Variants in PDE6B observed in about 807,000 individuals in gnomAD.
The protein encoded by PDE6B is phosphodiesterase 6B, also known as rod cGMP-specific 3',5'-cyclic phosphodiesterase subunit beta.
In PDE6B, 106 loss-of-function variants were observed where a neutral mutation model predicts 109.0. The observed-to-expected ratio is 0.97, with a 90% CI of 0.83 to 1.14. The LOEUF (loss-of-function observed/expected upper bound fraction) is 1.14. PDE6B is among the 50% of genes most tolerant of loss of function. The probability of loss-of-function intolerance (pLI) is 0.00; values close to 1 mark genes in which losing one functional copy is unlikely to be tolerated. For missense variants in PDE6B, 1,193 were observed against 1,155.6 expected (o/e 1.03, Z -0.47); for synonymous variants, 490 against 471.3 (o/e 1.04, Z -0.51).
intron 3 of PDE6B, chr4:652,416 G>C (rs1361832305): frequency 5.6e-6 from 4 of 712,370 alleles, no homozygotes; most frequent in South Asian, 6.3e-5. Flanking sequence ...AGGAGGCCGG[G>C]GCAGGAAGAG....
intron 10 of PDE6B, among the ~76,000 whole-genome samples, chr4:658,173 A>T (rs1466290984): frequency 1.5e-5 from 1 of 67,018 alleles, no homozygotes; most frequent in African/African-American, 5.7e-5. Flanking sequence ...TCATGGCTGT[A>T]TGGTGGGGGC....
rs747313401 is a variant in PDE6B, at chr4:664,857, C to T, written c.2130-24C>T. The T allele has an allele frequency of 1.7e-5, 28 of 1,605,402 alleles. No individual in the cohort carries two copies. The Admixed American group carries it at 2.2e-4, about 12-fold the overall frequency. On this transcript the variant is annotated intron_variant, in intron 17 of 21. Transcript: ENST00000496514. Reference sequence around the variant, plus strand: ...TGCCCTCAGGAGACGCCCATCAGCACTCGTGCCCGGTTTGTGTCTGCAGGG... The same window carrying T: ...TGCCCTCAGGAGACGCCCATCAGCATTCGTGCCCGGTTTGTGTCTGCAGGG...
chr4:662,217 C>T lies in PDE6B; in HGVS notation c.1698C>T (p.Ala566=). Residue 566 remains alanine, a synonymous_variant, in exon 13 of 22, where the codon GCC becomes GCT. Coordinates refer to ENST00000496514, the MANE Select transcript of PDE6B (RefSeq NM_000283.4). This position sits in a 1 kb window ranked among gnomAD's most constrained non-coding sequence, Gnocchi z 4.3. Reference sequence around the variant, plus strand: ...ACTGGCGCCACGGCTTCAACGTGGCCCAGACGATGTTCACGCTGCTCATGG... The same window carrying T: ...ACTGGCGCCACGGCTTCAACGTGGCTCAGACGATGTTCACGCTGCTCATGG... ...YHNWRHGFNV[A]QTMFTLLMTG... is the part of the protein sequence containing the mutation. The T allele has an allele frequency of 6.4e-7, 1 of 1,567,838 alleles. No individual in the cohort carries two copies. The highest frequency in any genetic ancestry group is 8.7e-7 in the Non-Finnish European group (1 of 1,153,966).
intron 3 of PDE6B, among the ~76,000 whole-genome samples, chr4:638,574 C>T (rs1238203080): frequency 2.0e-5 from 3 of 152,190 alleles, no homozygotes; most frequent in South Asian, 2.1e-4. Context: ...CCTCCTGCCT[C>T]GGCCTCCTAA....
Position 665,059 on chromosome 4 carries a change from C to A in PDE6B, c.2193+115C>A. On this transcript the variant is annotated intron_variant, in intron 18 of 21. Transcript: ENST00000496514. This position sits in a 1 kb window ranked among gnomAD's most constrained non-coding sequence, Gnocchi z 4.0. ...CATTGTTTGCAAGGAGCTCTGAGGG[C>A]CACCTCGGGGCCAGGCCAGGGCGGC... 2.2e-6 allele frequency: 2 copies of A among 927,746 alleles called. No individual in the cohort carries two copies. The highest frequency in any genetic ancestry group is 1.3e-5 in the South Asian group (1 of 75,072). 57.5% of individuals were successfully genotyped at this position (927,746 alleles called of 1,614,324 possible).
intron 3 of PDE6B, among the ~76,000 whole-genome samples, chr4:637,811 G>A (rs931091151): frequency 6.6e-6 from 1 of 152,174 alleles, no homozygotes; most frequent in African/African-American, 2.4e-5. Context: ...CTCCAACCCT[G>A]GTCCACGACA....
At chr4:644,496 A>G (rs1386530903) in intron 3 of PDE6B, among the ~76,000 whole-genome samples, 1 of 151,868 alleles carries the variant, frequency 6.6e-6, no homozygotes, top group Non-Finnish European at 1.5e-5. Flanking sequence ...ATAGATGTCA[A>G]TTATGTCCAT....
intron 17 of PDE6B, 45 bp from the exon 18 acceptor site, chr4:664,836 C>T: frequency 1.3e-6 from 2 of 1,501,206 alleles, no homozygotes; most frequent in East Asian, 2.3e-5. Flanking sequence ...ACCACCTGCC[C>T]TCAGGAGACG....
intron 6 of PDE6B, 31 bp downstream of exon 6, chr4:654,919 C>G (rs762815812): frequency 1.8e-4 from 228 of 1,277,580 alleles, no homozygotes; most frequent in Non-Finnish European, 2.5e-4. Context: ...GAAGCGTCCC[C>G]GGGGGAGGGA....
chr4:638,413 C>A (rs889153900), intron 3 of PDE6B, among the ~76,000 whole-genome samples: 1 of 152,144 alleles, frequency 6.6e-6, no homozygotes, highest in Non-Finnish European at 1.5e-5. Flanking sequence ...ACCTCCGCCT[C>A]CCAGGTTCAA....
intron 3 of PDE6B, chr4:652,714 G>C (rs3864131): frequency 0.024 from 3,706 of 155,510 alleles, 50 homozygotes; most frequent in Middle Eastern, 0.036. Context: ...CTGGGGGTGC[G>C]TGTGCAACCT....
chr4:648,304 G>A lies in PDE6B; in HGVS notation c.712-5548G>A, dbSNP rs566703855. On this transcript the variant is annotated intron_variant, in intron 3 of 21. Transcript: ENST00000496514. This position sits in a 1 kb window ranked among gnomAD's most constrained non-coding sequence, Gnocchi z 4.5. The stretch of plus-strand genomic sequence containing the variant: ...TGCACCAGACATTGCCCAGTCCTAG[G>A]AAAAGCTGTTTCTGGGTCTTGCCCT... 6.6e-5 allele frequency among the ~76,000 whole-genome samples: 10 copies of A among 152,214 alleles called. No individual in the cohort carries two copies. The East Asian group carries it at 1.9e-3, about 29-fold the overall frequency.
Position 660,450 on chromosome 4 carries a change from C to T in PDE6B, c.1468-17C>T, listed in dbSNP as rs1465308566. 2.5e-6 allele frequency: 4 copies of T among 1,613,464 alleles called. No homozygotes were observed. Among genetic ancestry groups the T allele is most frequent in the Non-Finnish European group, 3.4e-6 (4 of 1,179,786 alleles). On this transcript the variant is annotated splice_polypyrimidine_tract_variant and intron_variant, in intron 11 of 21. Transcript: ENST00000496514. ...TGTGGCAGGCCAACCTCCCTCAGCC[C>T]ACAATCCCTCCCACAGAAGGAGGAG...
intron 18 of PDE6B, 43 bp downstream of exon 18, chr4:664,987 A>G (rs1283348874): frequency 6.8e-7 from 1 of 1,478,914 alleles, no homozygotes; most frequent in Non-Finnish European, 9.5e-7. Flanking sequence ...AGTGCCTCTC[A>G]GCACATGGGA....
rs139354353 is a variant in PDE6B, at chr4:648,138, C to T, written c.712-5714C>T. Among the ~76,000 whole-genome samples the T allele has an allele frequency of 1.1e-4, 16 of 152,068 alleles. No homozygotes were observed. The East Asian group carries it at 2.9e-3, about 28-fold the overall frequency. ...ATTTGCCCGTTCTGTTGTCTGGTCA[C>T]CCCAGCCCTAAACCAGGCAACAAGT... On this transcript the variant is annotated intron_variant, in intron 3 of 21. Coordinates refer to ENST00000496514, the MANE Select transcript of PDE6B (RefSeq NM_000283.4). The surrounding 1 kb of genome is among the most constrained non-coding windows in gnomAD (Gnocchi z 4.5).
At chr4:635,991 C>CG in intron 3 of PDE6B, 22 bp downstream of exon 3, 1 of 1,445,152 alleles carries the variant, frequency 6.9e-7, no homozygotes, top group Non-Finnish European at 9.7e-7. Context: ...CTGAGCACAG[C>CG]TCTGCCCACG....
intron 5 of PDE6B, 38 bp downstream of exon 5, chr4:654,192 G>T: frequency 6.4e-7 from 1 of 1,561,056 alleles, no homozygotes; most frequent in Non-Finnish European, 8.8e-7. Context: ...CTGTCCACAC[G>T]CCTCTGTTTC....
In PDE6B at chr4:654,817, T is replaced by C. The variant is rs756096582; in HGVS notation, c.928-7T>C. On this transcript the variant is annotated splice_polypyrimidine_tract_variant and splice_region_variant and intron_variant, in intron 5 of 21. Transcript: ENST00000496514. The stretch of plus-strand genomic sequence containing the variant: ...CAGCCCCCCGACCAGTGTCTTCTGC[T>C]TCTCAGGAAATTGTCTTCTACAAAG... 6.7e-7 allele frequency: 1 copy of C among 1,493,818 alleles called. No individual in the cohort carries two copies. The highest frequency in any genetic ancestry group is 9.3e-7 in the Non-Finnish European group (1 of 1,070,182). The allele number at this position is 1,493,818 out of a possible 1,614,324, so 92.5% of individuals were successfully genotyped here.
chr4:659,026 C>T lies in PDE6B; in HGVS notation c.1467+9C>T. ...AGCTGGGCGAAATCCTGGTAAGAAC[C>T]TTGCTCCCGTCCCTCCCATGGAGGC... On this transcript the variant is annotated intron_variant, in intron 11 of 21. Coordinates refer to ENST00000496514, the MANE Select transcript of PDE6B (RefSeq NM_000283.4). 1 of 1,610,144 alleles carries T rather than the reference C, an allele frequency of 6.2e-7. No individual in the cohort carries two copies. Among genetic ancestry groups the T allele is most frequent in the Non-Finnish European group, 8.5e-7 (1 of 1,176,792 alleles).
Sources: gnomAD v4.1 joint callset for allele counts (sites outside exome capture counted in the v4.1 genomes callset) on GRCh38, gnomAD v4.1.1 for gene constraint, Gnocchi (gnomAD v3.1) non-coding constraint, MANE v1.5 for transcripts, NCBI Gene and HGNC (gene_info 2026-07-23, HGNC 2026-07-21) for gene names.